Variants in ADCY5 observed in about 807,000 individuals in gnomAD.
ADCY5 encodes adenylate cyclase type 5.
In ADCY5, 30 loss-of-function variants were observed where a neutral mutation model predicts 119.7. The ratio of observed to expected loss-of-function variants is 0.25; its 90% CI spans 0.19 to 0.34. The LOEUF is 0.34. Among genes scored for constraint, ADCY5 ranks in the 10% least tolerant of loss-of-function variants. The probability of loss-of-function intolerance (pLI) is 1.00; values close to 1 mark genes in which losing one functional copy is unlikely to be tolerated. For synonymous variants in ADCY5, 753 were observed against 762.2 expected (o/e 0.99, Z 0.20); for missense variants, 1,324 against 1,775.2 (o/e 0.75, Z 4.57).
intron 1 of ADCY5, among the ~76,000 whole-genome samples, chr3:123,436,616 G>A (rs1456494401): frequency 6.6e-6 from 1 of 152,126 alleles, no homozygotes; most frequent in Admixed American, 6.5e-5. Context: ...TGAAGCAGGA[G>A]AATCTCTTGA....
intron 1 of ADCY5, among the ~76,000 whole-genome samples, chr3:123,364,644 G>A (rs1267478725): frequency 2.0e-5 from 3 of 152,158 alleles, no homozygotes; most frequent in African/African-American, 7.2e-5. Context: ...CTATGGCAGA[G>A]TAAGGAGCCA....
At chr3:123,292,778 C>A (rs1284747872) in intron 17 of ADCY5, among the ~76,000 whole-genome samples, 1 of 152,194 alleles carries the variant, frequency 6.6e-6, no homozygotes, top group Non-Finnish European at 1.5e-5. Context: ...AGGAGCCCTG[C>A]AGTCAGTTAT....
chr3:123,336,393 C>T (rs1206086261), intron 3 of ADCY5, among the ~76,000 whole-genome samples: 2 of 152,210 alleles, frequency 1.3e-5, no homozygotes, highest in African/African-American at 4.8e-5. Flanking sequence ...AGTCAAGGAG[C>T]ATGTTCAGTG....
In ADCY5 at chr3:123,388,267, A is replaced by T. The variant is rs1447498134; in HGVS notation, c.1135-35686T>A. Among the ~76,000 whole-genome samples the T allele has an allele frequency of 3.9e-5, 6 of 152,266 alleles. 1 individual carries two copies. The South Asian group carries it at 1.2e-3, about 32-fold the overall frequency. On this transcript the variant is annotated intron_variant, in intron 1 of 20. Coordinates refer to ENST00000462833, the MANE Select transcript of ADCY5 (RefSeq NM_183357.3). ...GGTTGGGAGGGGCCGCGGAGGTTGGAGGAATGGAGGGGACGTTTCAGAGCC... is the reference window on the plus strand; with the variant it reads ...GGTTGGGAGGGGCCGCGGAGGTTGGTGGAATGGAGGGGACGTTTCAGAGCC...
At chr3:123,404,400 C>T (rs1944850233) in intron 1 of ADCY5, 1 of 152,454 alleles carries the variant, frequency 6.6e-6, no homozygotes, top group East Asian at 1.9e-4. Context: ...GTTCAGAACA[C>T]TAAGCAGAGG....
At chr3:123,421,136 G>C (rs1945295572) in intron 1 of ADCY5, among the ~76,000 whole-genome samples, 1 of 152,040 alleles carries the variant, frequency 6.6e-6, no homozygotes, top group South Asian at 2.1e-4. Flanking sequence ...ATCCTTTTTG[G>C]GAGACAGTTT....
chr3:123,291,596 T>C (rs1304165061), intron 17 of ADCY5, among the ~76,000 whole-genome samples: 3 of 152,106 alleles, frequency 2.0e-5, no homozygotes, highest in Non-Finnish European at 4.4e-5. Flanking sequence ...AGAAAAGACA[T>C]TTCTGAGCCT....
At chr3:123,434,664 G>A (rs148498309) in intron 1 of ADCY5, among the ~76,000 whole-genome samples, 2 of 152,176 alleles carry the variant, frequency 1.3e-5, no homozygotes, top group Non-Finnish European at 2.9e-5. Context: ...CTCAACCCTA[G>A]GAGTGCCCAA....
rs1332798704 is a variant in ADCY5 at position 123,325,319 on chromosome 3, C to T, written c.2088+3G>A. 2 of 1,613,992 alleles carry T rather than the reference C, an allele frequency of 1.2e-6. No individual in the cohort carries two copies. Among genetic ancestry groups the T allele is most frequent in the Non-Finnish European group, 1.7e-6 (2 of 1,179,922 alleles). On this transcript the variant is annotated splice_donor_region_variant and intron_variant, in intron 8 of 20. Coordinates refer to ENST00000462833, the MANE Select transcript of ADCY5 (RefSeq NM_183357.3). Reference sequence around the variant, plus strand: ...CCCACAGGCTGCCCCACCAGCCACTCACCATCCGCTTCATCTCCTTGGACA... The same window carrying T: ...CCCACAGGCTGCCCCACCAGCCACTTACCATCCGCTTCATCTCCTTGGACA...
intron 1 of ADCY5, among the ~76,000 whole-genome samples, chr3:123,363,831 C>T (rs767427727): frequency 3.3e-5 from 5 of 152,156 alleles, no homozygotes; most frequent in Non-Finnish European, 5.9e-5. Flanking sequence ...ATCACTTGAA[C>T]CTAGGAAGTC....
At chr3:123,304,207 A>G in intron 12 of ADCY5, 24 bp from the exon 13 acceptor site, 3 of 560,324 alleles carry the variant, frequency 5.4e-6, no homozygotes, top group South Asian at 1.5e-5. Flanking sequence ...AGGGGTGGAG[A>G]GGGAGGGAGG....
At chr3:123,360,201 G>A (rs1376691061) in intron 1 of ADCY5, among the ~76,000 whole-genome samples, 1 of 151,844 alleles carries the variant, frequency 6.6e-6, no homozygotes, top group Non-Finnish European at 1.5e-5. Flanking sequence ...TCTCTGCTTG[G>A]GGGCTTTTGT....
At chr3:123,374,791 A>G (rs994675530) in intron 1 of ADCY5, among the ~76,000 whole-genome samples, 1 of 152,188 alleles carries the variant, frequency 6.6e-6, no homozygotes, top group East Asian at 1.9e-4. Flanking sequence ...GATGAATCCA[A>G]TAGATTCTAT....
chr3:123,401,219 G>A (rs1014688825), intron 1 of ADCY5, among the ~76,000 whole-genome samples: 5 of 152,062 alleles, frequency 3.3e-5, no homozygotes, highest in Non-Finnish European at 7.4e-5. Context: ...GGATTTGAAG[G>A]TCCCCAAGAG....
At position 123,286,833 on chromosome 3, in the gene ADCY5, C is replaced by T; in HGVS notation, c.3533-24G>A. ...CCCTGCAGGGGACAGGAATCAGCCACAGTCATCACATCTCTGGCTTGACCT... is the reference window on the plus strand; with the variant it reads ...CCCTGCAGGGGACAGGAATCAGCCATAGTCATCACATCTCTGGCTTGACCT... On this transcript the variant is annotated intron_variant, in intron 19 of 20. Coordinates refer to ENST00000462833, the MANE Select transcript of ADCY5 (RefSeq NM_183357.3). The surrounding 1 kb of genome is among the most constrained non-coding windows in gnomAD (Gnocchi z 4.2). 1.9e-6 allele frequency: 3 copies of T among 1,572,062 alleles called. No individual in the cohort carries two copies. Among genetic ancestry groups the T allele is most frequent in the Non-Finnish European group, 2.6e-6 (3 of 1,161,334 alleles).
intron 1 of ADCY5, among the ~76,000 whole-genome samples, chr3:123,354,930 C>T (rs1200901740): frequency 1.3e-5 from 2 of 152,158 alleles, no homozygotes; most frequent in East Asian, 1.9e-4. Flanking sequence ...AACTTACCAA[C>T]TTAGGAATGG....
At position 123,325,506 on chromosome 3, in the gene ADCY5, C is replaced by T. The variant is rs202246402; in HGVS notation, c.1948-44G>A. The stretch of plus-strand genomic sequence containing the variant: ...GATGGGGGGAGATGAGGAGTCCAAG[C>T]GGAGGGCTCCTCACCCTTCCCCAAA... On this transcript the variant is annotated intron_variant, in intron 7 of 20. Transcript: ENST00000462833. The T allele has an allele frequency of 5.3e-5, 85 of 1,611,354 alleles. 1 individual carries two copies. Among genetic ancestry groups the T allele is most frequent in the Non-Finnish European group, 6.8e-5 (80 of 1,177,940 alleles).
chr3:123,325,583 A>G, intron 7 of ADCY5, 121 bp from the exon 8 acceptor site: 1 of 1,309,304 alleles, frequency 7.6e-7, no homozygotes, highest in Non-Finnish European at 1.1e-6. Flanking sequence ...TCCTCTCTGC[A>G]CAGCCCTGGA....
chr3:123,290,397 TGCAG>T (rs1220905121), intron 18 of ADCY5, among the ~76,000 whole-genome samples: 2 of 152,162 alleles, frequency 1.3e-5, no homozygotes, highest in African/African-American at 4.8e-5. Context: ...CCGGGAGTCT[TGCAG>T]GCCGTTCCTG....
Sources: gnomAD v4.1 joint callset for allele counts (sites outside exome capture counted in the v4.1 genomes callset) on GRCh38, gnomAD v4.1.1 for gene constraint, Gnocchi (gnomAD v3.1) non-coding constraint, MANE v1.5 for transcripts, NCBI Gene and HGNC (gene_info 2026-07-23, HGNC 2026-07-21) for gene names.